Variants in KCTD8 observed in about 807,000 individuals in gnomAD.
The protein encoded by KCTD8 is BTB/POZ domain-containing protein KCTD8.
KCTD8 carries 27 observed loss-of-function variants against 31.5 expected under a neutral mutation model. That is an observed-to-expected ratio of 0.86 (90% CI 0.63 to 1.18). The LOEUF is 1.18. KCTD8 is among the 50% of genes most tolerant of loss of function. The pLI is 0.00. For missense variants in KCTD8, 658 were observed against 647.7 expected (o/e 1.02, Z -0.17); for synonymous variants, 290 against 280.0 (o/e 1.04, Z -0.36).
intron 1 of KCTD8, among the ~76,000 whole-genome samples, chr4:44,378,347 T>C (rs1245752524): frequency 1.3e-5 from 2 of 150,730 alleles, no homozygotes; most frequent in Non-Finnish European, 1.5e-5. Context: ...TGTTATGAGA[T>C]ATACCTAATG....
chr4:44,392,141 C>G (rs1720390651), intron 1 of KCTD8, among the ~76,000 whole-genome samples: 1 of 151,818 alleles, frequency 6.6e-6, no homozygotes, highest in Non-Finnish European at 1.5e-5. Flanking sequence ...TAGACTTATG[C>G]TCTTCTCATT....
At chr4:44,180,727 T>C (rs1713356408) in intron 1 of KCTD8, among the ~76,000 whole-genome samples, 1 of 152,218 alleles carries the variant, frequency 6.6e-6, no homozygotes, top group South Asian at 2.1e-4. Context: ...GAACTTTGTG[T>C]TGGTCAGGTA....
At chr4:44,220,989 T>C (rs1714791461) in intron 1 of KCTD8, among the ~76,000 whole-genome samples, 1 of 152,158 alleles carries the variant, frequency 6.6e-6, no homozygotes, top group South Asian at 2.1e-4. Flanking sequence ...AATAAATCCA[T>C]CATCCTGATA....
chr4:44,321,890 A>C (rs1449635699), intron 1 of KCTD8, among the ~76,000 whole-genome samples: 2 of 150,826 alleles, frequency 1.3e-5, no homozygotes, highest in Non-Finnish European at 2.9e-5. Context: ...CACTTAACAT[A>C]ATTACCTCCA....
chr4:44,181,321 A>T (rs1320552333), intron 1 of KCTD8, among the ~76,000 whole-genome samples: 1 of 151,298 alleles, frequency 6.6e-6, no homozygotes, highest in Non-Finnish European at 1.5e-5. Flanking sequence ...TGCTGCTGCC[A>T]TCTCTGCTTA....
intron 1 of KCTD8, among the ~76,000 whole-genome samples, chr4:44,406,561 G>A (rs1720801139): frequency 1.3e-5 from 2 of 152,112 alleles, no homozygotes; most frequent in African/African-American, 2.4e-5. Context: ...CAGCCATGTC[G>A]AAGTCCAATT....
chr4:44,176,455 A>T (rs539700236), intron 1 of KCTD8, among the ~76,000 whole-genome samples: 1 of 152,308 alleles, frequency 6.6e-6, no homozygotes, highest in East Asian at 1.9e-4. Context: ...GTTATGAACC[A>T]CTGATCAGTC....
intron 1 of KCTD8, among the ~76,000 whole-genome samples, chr4:44,257,117 G>A (rs1187054270): frequency 6.6e-6 from 1 of 151,872 alleles, no homozygotes; most frequent in East Asian, 1.9e-4. Flanking sequence ...AGCCTGTAAG[G>A]GAGAAAAAGA....
At chr4:44,354,217 T>G (rs981246034) in intron 1 of KCTD8, among the ~76,000 whole-genome samples, 1 of 152,052 alleles carries the variant, frequency 6.6e-6, no homozygotes, top group Non-Finnish European at 1.5e-5. Flanking sequence ...GTTCATTTGT[T>G]GTGTGTGTGT....
At chr4:44,219,147 C>T (rs1485820407) in intron 1 of KCTD8, among the ~76,000 whole-genome samples, 1 of 152,104 alleles carries the variant, frequency 6.6e-6, no homozygotes, top group Non-Finnish European at 1.5e-5. Context: ...ATTTTATTCC[C>T]AATCCATTAT....
intron 1 of KCTD8, chr4:44,293,450 G>C (rs1717336352): frequency 2.2e-6 from 1 of 455,588 alleles, no homozygotes; most frequent in Admixed American, 2.4e-5. Context: ...ATTCATGCTT[G>C]ATCTGGCAAG....
intron 1 of KCTD8, among the ~76,000 whole-genome samples, chr4:44,184,697 C>T (rs942360790): frequency 2.0e-5 from 3 of 152,176 alleles, no homozygotes; most frequent in Non-Finnish European, 4.4e-5. Context: ...TATTTTCATG[C>T]CTCTGAATTT....
At chr4:44,396,796 G>C (rs1720516259) in intron 1 of KCTD8, among the ~76,000 whole-genome samples, 1 of 152,106 alleles carries the variant, frequency 6.6e-6, no homozygotes, top group Non-Finnish European at 1.5e-5. Context: ...GACCCATGCA[G>C]TGGAAATATA....
At chr4:44,377,026 C>T (rs1046198641) in intron 1 of KCTD8, among the ~76,000 whole-genome samples, 1 of 152,274 alleles carries the variant, frequency 6.6e-6, no homozygotes, top group Non-Finnish European at 1.5e-5. Context: ...AAATGAGGCC[C>T]ACACACCACA....
chr4:44,213,844 T>G (rs1404152799), intron 1 of KCTD8, among the ~76,000 whole-genome samples: 1 of 152,154 alleles, frequency 6.6e-6, no homozygotes. Flanking sequence ...GGCATACTGA[T>G]TATTTTGAGC....
intron 1 of KCTD8, among the ~76,000 whole-genome samples, chr4:44,278,198 G>C (rs1458360599): frequency 6.6e-6 from 1 of 151,944 alleles, no homozygotes; most frequent in African/African-American, 2.4e-5. Context: ...GCAATAGCTG[G>C]AAACCTTAGG....
chr4:44,254,510 A>G (rs1715937510), intron 1 of KCTD8, among the ~76,000 whole-genome samples: 1 of 151,864 alleles, frequency 6.6e-6, no homozygotes, highest in Non-Finnish European at 1.5e-5. Flanking sequence ...ATACCAACAC[A>G]GACTTATTAT....
intron 1 of KCTD8, among the ~76,000 whole-genome samples, chr4:44,275,649 T>C (rs1227570267): frequency 6.6e-5 from 10 of 152,122 alleles, no homozygotes; most frequent in Admixed American, 5.9e-4. Flanking sequence ...TCTTAAAATG[T>C]AAATGCAACA....
chr4:44,388,847 C>T (rs1301681599), intron 1 of KCTD8, among the ~76,000 whole-genome samples: 2 of 151,708 alleles, frequency 1.3e-5, no homozygotes, highest in East Asian at 3.9e-4. Flanking sequence ...TACACCTGAA[C>T]TTAAAATAAG....
Sources: allele counts gnomAD v4.1 joint callset (sites outside exome capture counted in the v4.1 genomes callset), GRCh38; gene constraint gnomAD v4.1.1; transcripts MANE v1.5; gene names NCBI Gene and HGNC (gene_info 2026-07-23, HGNC 2026-07-21).